The following STIP1 variants were observed in gnomAD, a reference collection of about 807,000 sequenced individuals.
The protein encoded by STIP1 is stress-induced-phosphoprotein 1.
STIP1 carries 16 observed loss-of-function variants against 77.4 expected under a neutral mutation model. The observed-to-expected ratio is 0.21, with a 90% CI of 0.14 to 0.31. The LOEUF is 0.31. Ranked by LOEUF, STIP1 falls within the 10% of genes least tolerant of loss-of-function variation. STIP1 has a pLI of 1.00. For missense variants in STIP1, 524 were observed against 684.8 expected (o/e 0.77, Z 2.62); for synonymous variants, 258 against 246.6 (o/e 1.05, Z -0.44).
intron 2 of STIP1, 64 bp downstream of exon 2, chr11:64,193,351 C>T: frequency 6.6e-7 from 1 of 1,517,406 alleles, no homozygotes; most frequent in South Asian, 1.1e-5. Flanking sequence ...CTTTTGGTGG[C>T]CTGAGGTTTA....
rs1242981243 is a variant in STIP1 at position 64,186,223 on chromosome 11, A to G, written c.-39A>G. ...GCGTGCGGTTGGGAACGCGGAGCGGACGGATTCGATTCAACGGGGTTCCGG... is the reference window on the plus strand; with the variant it reads ...GCGTGCGGTTGGGAACGCGGAGCGGGCGGATTCGATTCAACGGGGTTCCGG... On this transcript the variant is annotated 5_prime_UTR_variant, in exon 1 of 14. Coordinates refer to ENST00000305218, the MANE Select transcript of STIP1 (RefSeq NM_006819.3). The G allele has an allele frequency of 6.5e-7, 1 of 1,550,114 alleles. No individual in the cohort carries two copies.
At chr11:64,202,827 A>G (rs763291906) in intron 10 of STIP1, 49 bp from the exon 11 acceptor site, 1 of 1,612,674 alleles carries the variant, frequency 6.2e-7, no homozygotes, top group Non-Finnish European at 8.5e-7. Flanking sequence ...GCCTGTACTG[A>G]GCTTGTCCAA....
At chr11:64,193,589 G>C (rs1204312720) in intron 2 of STIP1, 2 of 397,520 alleles carry the variant, frequency 5.0e-6, no homozygotes, top group Admixed American at 7.6e-5. Flanking sequence ...TTCAAGACCA[G>C]CCTGGCCAAC....
rs370792578 is a variant in STIP1, at chr11:64,203,872, CAA to C, written c.1560-181_1560-180del. The C allele has an allele frequency of 3.7e-5, 30 of 819,962 alleles. No homozygotes were observed. The African/African-American group carries it at 4.8e-4, about 13-fold the overall frequency. The allele number at this position is 819,962 out of a possible 1,614,324, so 50.8% of individuals were successfully genotyped here. ...TTGACTGGAAGCTGTGTCGTGGGCT[CAA>C]GAGTAGGACTGGCAAGTTCTGCGAA... is the stretch of plus-strand genomic sequence containing the variant. On this transcript the variant is annotated intron_variant, in intron 13 of 13. Transcript: ENST00000305218.
upstream of STIP1, chr11:64,185,874 G>T (rs1946006719): frequency 1.3e-6 from 2 of 1,536,208 alleles, no homozygotes; most frequent in Non-Finnish European, 1.7e-6. Flanking sequence ...AGAACGATCA[G>T]AACCAATGGG....
intron 7 of STIP1, 91 bp from the exon 8 acceptor site, chr11:64,197,763 T>C: frequency 3.8e-6 from 6 of 1,572,078 alleles, no homozygotes; most frequent in East Asian, 2.2e-5. Context: ...AAGGCAGTGA[T>C]GCGGGCCTTT....
At chr11:64,185,700 T>A, upstream of STIP1, 2 of 1,323,568 alleles carry the variant, frequency 1.5e-6, no homozygotes, top group Admixed American at 4.8e-5. Flanking sequence ...CAGCCGGTAC[T>A]CCCATATATC....
chr11:64,193,966 G>T (rs1345625259), intron 2 of STIP1, among the ~76,000 whole-genome samples: 5 of 152,208 alleles, frequency 3.3e-5, no homozygotes, highest in Non-Finnish European at 7.4e-5. Context: ...GACCACAGTC[G>T]ATCAGAGGTG....
chr11:64,203,782 G>A (rs937979452), intron 13 of STIP1, 160 bp downstream of exon 13: 22 of 857,010 alleles, frequency 2.6e-5, no homozygotes, highest in East Asian at 1.7e-4. Context: ...GAGCTGGAAG[G>A]GCTTTGTTAG....
At chr11:64,195,098 C>CATTTTATTTTATTTT (rs200955950) in intron 4 of STIP1, among the ~76,000 whole-genome samples, 2 of 151,986 alleles carry the variant, frequency 1.3e-5, no homozygotes, top group Non-Finnish European at 2.9e-5. Flanking sequence ...TCTGTGACTT[C>CATTTTATTTTATTTT]ATTTTATTTT....
chr11:64,195,450 C>CT (rs750666552), intron 4 of STIP1, among the ~76,000 whole-genome samples, 195 bp from the exon 5 acceptor site: 5 of 152,090 alleles, frequency 3.3e-5, no homozygotes, highest in Non-Finnish European at 7.4e-5. Flanking sequence ...TTTGTTGACT[C>CT]TATTTTAGAT....
intron 12 of STIP1, 99 bp from the exon 13 acceptor site, chr11:64,203,351 C>T (rs889921906): frequency 1.9e-6 from 3 of 1,581,664 alleles, no homozygotes; most frequent in East Asian, 4.5e-5. Context: ...CTTACTTGTT[C>T]TCTCTCCCCT....
intron 1 of STIP1, among the ~76,000 whole-genome samples, chr11:64,187,767 C>T (rs909113344): frequency 3.3e-5 from 5 of 151,952 alleles, no homozygotes; most frequent in Non-Finnish European, 1.5e-5. Flanking sequence ...TTTGGGAGGC[C>T]GAGGCAGGCG....
chr11:64,193,059 T>A lies in STIP1; in HGVS notation c.10-19T>A. 1 of 1,612,896 alleles carries A rather than the reference T, an allele frequency of 6.2e-7. No homozygotes were observed. Among genetic ancestry groups the A allele is most frequent in the Non-Finnish European group, 8.5e-7 (1 of 1,179,368 alleles). On this transcript the variant is annotated intron_variant, in intron 1 of 13. Transcript: ENST00000305218. ...AAATGGGCACATCATAGAGAAGCTGTGTGTTCCTTTCCCCTCAGGTCAATG... is the reference window on the plus strand; with the variant it reads ...AAATGGGCACATCATAGAGAAGCTGAGTGTTCCTTTCCCCTCAGGTCAATG...
rs1200295020 is a variant in STIP1, at chr11:64,186,275, A to C, written c.9+5A>C. 2.7e-6 allele frequency: 3 copies of C among 1,094,636 alleles called. No homozygotes were observed. Among genetic ancestry groups the C allele is most frequent in the Non-Finnish European group, 3.4e-6 (3 of 886,080 alleles). The allele number at this position is 1,094,636 out of a possible 1,614,324, so 67.8% of individuals were successfully genotyped here. A position where few individuals can be genotyped will look rare whatever the true frequency, so the allele number is the denominator to read the frequency against. On this transcript the variant is annotated splice_donor_5th_base_variant and intron_variant, in intron 1 of 13. Coordinates refer to ENST00000305218, the MANE Select transcript of STIP1 (RefSeq NM_006819.3). Reference sequence around the variant, plus strand: ...CCGCGCTGCGCTATGGAGCAGGTGAAGGGGGAGGGGCGGGCTGAGGCCCCG... The same window carrying C: ...CCGCGCTGCGCTATGGAGCAGGTGACGGGGGAGGGGCGGGCTGAGGCCCCG...
At chr11:64,199,636 C>T (rs370013019) in intron 8 of STIP1, among the ~76,000 whole-genome samples, 3 of 147,864 alleles carry the variant, frequency 2.0e-5, no homozygotes, top group East Asian at 4.0e-4. Flanking sequence ...GATCTCGGCT[C>T]ACTGCAAGCT....
chr11:64,199,872 A>C, intron 8 of STIP1, 68 bp from the exon 9 acceptor site: 1 of 1,588,992 alleles, frequency 6.3e-7, no homozygotes, highest in Non-Finnish European at 8.6e-7. Context: ...CCCTAATGTG[A>C]TTTTTAAGCC....
chr11:64,202,827 A>T lies in STIP1; in HGVS notation c.1246-49A>T, dbSNP rs763291906. 3 of 1,612,674 alleles carry T rather than the reference A, an allele frequency of 1.9e-6. No individual in the cohort carries two copies. In the South Asian group the frequency reaches 3.3e-5, roughly 18 times the overall value. On this transcript the variant is annotated intron_variant, in intron 10 of 13. Transcript: ENST00000305218. ...CCACATGCTTGAGTTGCCTGTACTGAGCTTGTCCAAGGGAATGAGCCTAAT... is the reference window on the plus strand; with the variant it reads ...CCACATGCTTGAGTTGCCTGTACTGTGCTTGTCCAAGGGAATGAGCCTAAT...
At chr11:64,188,137 A>G (rs1485092743) in intron 1 of STIP1, among the ~76,000 whole-genome samples, 1 of 151,684 alleles carries the variant, frequency 6.6e-6, no homozygotes, top group Non-Finnish European at 1.5e-5. Flanking sequence ...ACCTGAGGTC[A>G]GGAGTTCTAC....
Sources: gnomAD v4.1 joint callset for allele counts (sites outside exome capture counted in the v4.1 genomes callset) on GRCh38, gnomAD v4.1.1 for gene constraint, MANE v1.5 for transcripts, NCBI Gene and HGNC (gene_info 2026-07-23, HGNC 2026-07-21) for gene names.